ZNF469: variants seen among roughly 807,000 people sequenced by gnomAD.
The protein encoded by ZNF469 is zinc finger protein 469.
A neutral mutation model predicts 1.0 loss-of-function variants in ZNF469; 1 was observed. The observed-to-expected ratio is 1.00, with a 90% CI of 0.35 to 4.73. The LOEUF is 4.73. Among genes scored for constraint, ZNF469 ranks in the 30% most tolerant of loss-of-function variants. The probability of loss-of-function intolerance (pLI) is 0.16; values close to 1 mark genes in which losing one functional copy is unlikely to be tolerated. For synonymous variants in ZNF469, 2,703 were observed against 2,363.4 expected (o/e 1.14, Z -4.17); for missense variants, 6,100 against 5,356.3 (o/e 1.14, Z -4.33).
the ZNF469 span, among the ~76,000 whole-genome samples, chr16:88,213,979 T>A: frequency 6.6e-6 from 1 of 152,132 alleles, no homozygotes; most frequent in African/African-American, 2.4e-5. Flanking sequence ...AAGCGTGGAA[T>A]TTGTGTGATT....
chr16:88,397,493 G>T (rs886971958), intron 1 of ZNF469, among the ~76,000 whole-genome samples: 3 of 152,212 alleles, frequency 2.0e-5, no homozygotes, highest in Admixed American at 6.5e-5. Flanking sequence ...ATCTCAGGGG[G>T]TTAAAGGGCA....
chr16:88,206,040 C>G, the ZNF469 span, among the ~76,000 whole-genome samples: 7 of 152,140 alleles, frequency 4.6e-5, no homozygotes, highest in African/African-American at 1.7e-4. Context: ...GGCCTGCAGC[C>G]CCCAGGGAGA....
the ZNF469 span, among the ~76,000 whole-genome samples, chr16:88,192,717 G>C: frequency 6.6e-6 from 1 of 152,298 alleles, no homozygotes; most frequent in Non-Finnish European, 1.5e-5. Flanking sequence ...TGATAATGGT[G>C]GTGATGATGG....
At chr16:88,206,796 AGGGAGGGGAGGCCGTGGGGACGGAG>A in the ZNF469 span, among the ~76,000 whole-genome samples, 72 of 129,676 alleles carry the variant, frequency 5.6e-4, 29 homozygotes, top group Non-Finnish European at 6.3e-4. Flanking sequence ...TGGGAACGGA[AGGGAGGGGAGGCCGTGGGGACGGAG>A]GGGAGGGGAG....
At chr16:88,115,537 A>G in the ZNF469 span, among the ~76,000 whole-genome samples, 1 of 151,710 alleles carries the variant, frequency 6.6e-6, no homozygotes, top group Non-Finnish European at 1.5e-5. Flanking sequence ...GCTCCGCTAA[A>G]AATATGCACC....
At chr16:88,284,643 G>T in the ZNF469 span, among the ~76,000 whole-genome samples, 1 of 148,306 alleles carries the variant, frequency 6.7e-6, no homozygotes, top group Non-Finnish European at 1.5e-5. Flanking sequence ...ACAGGCTCCT[G>T]TAAAAACCAA....
the ZNF469 span, among the ~76,000 whole-genome samples, chr16:88,103,137 T>C: frequency 1.3e-5 from 2 of 152,170 alleles, no homozygotes; most frequent in African/African-American, 4.8e-5. Flanking sequence ...ACGCCCCTTC[T>C]GGCCCCTCCC....
At chr16:88,261,168 G>A in the ZNF469 span, among the ~76,000 whole-genome samples, 1 of 152,348 alleles carries the variant, frequency 6.6e-6, no homozygotes, top group African/African-American at 2.4e-5. The surrounding 1 kb of genome is among the most constrained non-coding windows in gnomAD (Gnocchi z 6.0). Context: ...ACACAGGTGG[G>A]CCCTTCTGGG....
the ZNF469 span, among the ~76,000 whole-genome samples, chr16:88,193,005 G>GGTGGTA: frequency 6.6e-6 from 1 of 150,398 alleles, no homozygotes; most frequent in Non-Finnish European, 1.5e-5. Context: ...TGGTGGTGAT[G>GGTGGTA]GTGGTGATGG....
At chr16:88,360,848 T>G in the ZNF469 span, among the ~76,000 whole-genome samples, 79,091 of 151,576 alleles carry the variant, frequency 0.52, 22,089 homozygotes, top group East Asian at 0.72. Flanking sequence ...ACACCCCCTG[T>G]TACAGTGATT....
chr16:88,346,573 C>A, the ZNF469 span, among the ~76,000 whole-genome samples: 1 of 152,094 alleles, frequency 6.6e-6, no homozygotes, highest in Admixed American at 6.5e-5. Flanking sequence ...GGCTGGAGTG[C>A]AGTGGCACGA....
chr16:88,281,202 T>A, the ZNF469 span, among the ~76,000 whole-genome samples: 6 of 120,566 alleles, frequency 5.0e-5, 2 homozygotes, highest in Admixed American at 1.9e-4. Context: ...TGTGCTATGC[T>A]GACGCTTGGT....
chr16:88,200,667 C>T, the ZNF469 span, among the ~76,000 whole-genome samples: 3 of 152,252 alleles, frequency 2.0e-5, no homozygotes, highest in African/African-American at 7.2e-5. Flanking sequence ...GACCAGGGAC[C>T]AGCAGCTGGT....
At chr16:88,239,648 C>T in the ZNF469 span, among the ~76,000 whole-genome samples, 567 of 87,502 alleles carry the variant, frequency 6.5e-3, 1 homozygote, top group South Asian at 0.026. Flanking sequence ...CCACCACGCC[C>T]GGCTTATTTT....
chr16:88,429,347 CCGGCCCCCT>C lies in ZNF469; in HGVS notation c.1881_1889del (p.Leu629_Pro631del). On this transcript the variant is annotated inframe_deletion, in exon 3 of 3. Transcript: ENST00000565624. ...CCCAGCTCAGAGGAAAGCCAGCTCC[CCGGCCCCCT>C]CGGGCCCTCGGCCTTCTTCCACCCA... is the stretch of plus-strand genomic sequence containing the variant. 6.5e-7 allele frequency: 1 copy of C among 1,549,850 alleles called. No homozygotes were observed. Among genetic ancestry groups the C allele is most frequent in the Non-Finnish European group, 8.7e-7 (1 of 1,146,782 alleles).
At chr16:88,230,735 C>A in the ZNF469 span, among the ~76,000 whole-genome samples, 1 of 152,078 alleles carries the variant, frequency 6.6e-6, no homozygotes, top group Non-Finnish European at 1.5e-5. Context: ...GGGACCCCCC[C>A]TAGAGGAGTG....
chr16:88,413,691 C>G (rs1309317499), intron 1 of ZNF469, among the ~76,000 whole-genome samples: 1 of 152,226 alleles, frequency 6.6e-6, no homozygotes, highest in Non-Finnish European at 1.5e-5. Context: ...TTTCTCAGCT[C>G]TGAAATGGGG....
At chr16:88,216,163 A>G in the ZNF469 span, among the ~76,000 whole-genome samples, 6 of 152,056 alleles carry the variant, frequency 3.9e-5, no homozygotes, top group African/African-American at 1.4e-4. Flanking sequence ...CTAGGCATAT[A>G]ATTCTAGGTT....
the ZNF469 span, among the ~76,000 whole-genome samples, chr16:88,157,931 C>T: frequency 3.9e-5 from 6 of 152,078 alleles, no homozygotes; most frequent in Admixed American, 6.5e-5. Flanking sequence ...CCCTCATCCT[C>T]TCCTGTCCTG....
Sources: gnomAD v4.1 joint callset for allele counts (sites outside exome capture counted in the v4.1 genomes callset) on GRCh38, gnomAD v4.1.1 for gene constraint, Gnocchi (gnomAD v3.1) non-coding constraint, MANE v1.5 for transcripts, NCBI Gene and HGNC (gene_info 2026-07-23, HGNC 2026-07-21) for gene names.